Variants in BAG1 observed in about 807,000 individuals in gnomAD.
BAG1 encodes BAG cochaperone 1, also known as BAG family molecular chaperone regulator 1.
In BAG1, 35 loss-of-function variants were observed where a neutral mutation model predicts 35.5. The observed-to-expected ratio is 0.99, with a 90% CI of 0.75 to 1.31. The LOEUF (loss-of-function observed/expected upper bound fraction) is 1.31. Among genes scored for constraint, BAG1 ranks in the 50% most tolerant of loss-of-function variants. BAG1 has a pLI of 0.00. For synonymous variants in BAG1, 191 were observed against 178.9 expected, an observed-to-expected ratio of 1.07 and a Z score of -0.54; for missense variants, 464 against 453.6, an observed-to-expected ratio of 1.02 and a Z score of -0.21.
rs41274029 is a variant in BAG1, at chr9:33,255,130, C to T, written c.*89G>A. 19,077 of 1,613,342 alleles carry T rather than the reference C, an allele frequency of 0.012. 184 individuals carry two copies. The highest frequency in any genetic ancestry group is 0.019 in the Middle Eastern group (114 of 6,060). The stretch of plus-strand genomic sequence containing the variant: ...GCAAATGGCCAGTTGCCCCCAGCAG[C>T]CCTGAAGAAATCAGGTAAATTCCGC... On this transcript the variant is annotated 3_prime_UTR_variant, in exon 7 of 7. Transcript: ENST00000634734.
rs1820379575 is a variant in BAG1, at chr9:33,253,495, A to T, written c.*1724T>A. 1 of 152,256 alleles carries T rather than the reference A, an allele frequency of 6.6e-6. No homozygotes were observed. Among genetic ancestry groups the T allele is most frequent in the Non-Finnish European group, 1.5e-5 (1 of 68,052 alleles). The allele number at this position is 152,256 out of a possible 1,614,324, so 9.4% of individuals were successfully genotyped here. A position where few individuals can be genotyped will look rare whatever the true frequency, so the allele number is the denominator to read the frequency against. On this transcript the variant is annotated 3_prime_UTR_variant, in exon 7 of 7. Transcript: ENST00000634734. ...TTAAATGTTGTGGCCCACGCCACAC[A>T]GCTATCACACAAAAATAGATCAATA...
chr9:33,262,450 A>C (rs1319189313), intron 2 of BAG1, among the ~76,000 whole-genome samples: 1 of 152,132 alleles, frequency 6.6e-6, no homozygotes, highest in Non-Finnish European at 1.5e-5. Context: ...TGAGATCAGG[A>C]GTTCGAGACC....
rs745315959 is a variant in BAG1 at position 33,264,315 on chromosome 9, C to A, written c.360G>T (p.Gln120His). ...TCGACTCCTCGTCCCGGGTCACCTC[C>A]TGGCTCCGATTCATCTCTTCGCCCT... Residue 120 changes from glutamine (Q) to histidine (H), a missense_variant, in exon 1 of 7, where the codon CAG becomes CAT. Physicochemically the swap from Gln to His is conservative, Grantham distance 24. Transcript: ENST00000634734. The A allele has an allele frequency of 6.2e-7, 1 of 1,613,638 alleles. No individual in the cohort carries two copies. The highest frequency in any genetic ancestry group is 8.5e-7 in the Non-Finnish European group (1 of 1,179,852).
At chr9:33,257,188 A>T in intron 4 of BAG1, 1 of 392,012 alleles carries the variant, frequency 2.6e-6, no homozygotes, top group Non-Finnish European at 4.6e-6. Context: ...TCACAAGAAG[A>T]GGCAGATGTT....
chr9:33,262,127 G>A (rs529463635), intron 2 of BAG1: 2 of 1,289,710 alleles, frequency 1.6e-6, no homozygotes, highest in South Asian at 2.5e-5. Flanking sequence ...GACTGCCCAT[G>A]AGCTTCATCG....
At chr9:33,262,218 C>T in intron 2 of BAG1, 1 of 1,286,698 alleles carries the variant, frequency 7.8e-7, no homozygotes, top group Non-Finnish European at 1.0e-6. Flanking sequence ...CAATACCTAG[C>T]AGGTCCTCAA....
chr9:33,264,217 C>T lies in BAG1; in HGVS notation c.451+7G>A. 8.8e-6 allele frequency: 14 copies of T among 1,597,904 alleles called. No individual in the cohort carries two copies. The highest frequency in any genetic ancestry group is 1.2e-5 in the Non-Finnish European group (14 of 1,173,514). On this transcript the variant is annotated splice_region_variant and intron_variant, in intron 1 of 6. Coordinates refer to ENST00000634734, the MANE Select transcript of BAG1 (RefSeq NM_004323.6). ...TGCATGGAGCCCACCTGGCGCCCGA[C>T]ACTCACTGTGGGTGACAGTCACGGT... is the stretch of plus-strand genomic sequence containing the variant.
Position 33,261,297 on chromosome 9 carries a change from T to C in BAG1, c.581-128A>G, listed in dbSNP as rs571899259. 8 of 585,588 alleles carry C rather than the reference T, an allele frequency of 1.4e-5. No individual in the cohort carries two copies. The South Asian group carries it at 1.7e-4, about 12-fold the overall frequency. The allele number at this position is 585,588 out of a possible 1,614,324, so 36.3% of individuals were successfully genotyped here. On this transcript the variant is annotated intron_variant, in intron 2 of 6. Transcript: ENST00000634734. ...ACTGGTATCTTTTTAGAGGGTGTCA[T>C]GACCCAGTAATTTCATTTCCAGATA...
At position 33,253,741 on chromosome 9, in the gene BAG1, A is replaced by G. The variant is rs959804932; in HGVS notation, c.*1478T>C. 1.5e-4 allele frequency: 22 copies of G among 148,256 alleles called. No individual in the cohort carries two copies. Among genetic ancestry groups the G allele is most frequent in the Admixed American group, 1.2e-3 (18 of 14,790 alleles). 9.2% of individuals were successfully genotyped at this position (148,256 alleles called of 1,614,324 possible). A position where few individuals can be genotyped will look rare whatever the true frequency, so the allele number is the denominator to read the frequency against. On this transcript the variant is annotated 3_prime_UTR_variant, in exon 7 of 7. Coordinates refer to ENST00000634734, the MANE Select transcript of BAG1 (RefSeq NM_004323.6). ...AAGCATAAATTATGACTAGAGCCAC[A>G]GAATGATTTCCTCATTAATCCAAAA...
intron 3 of BAG1, chr9:33,259,540 A>G (rs1820526117): frequency 6.5e-6 from 1 of 154,016 alleles, no homozygotes; most frequent in Admixed American, 6.4e-5. Flanking sequence ...AAGACTCCAG[A>G]CTAGAGAGAA....
chr9:33,255,299 C>T lies in BAG1; in HGVS notation c.958G>A (p.Ala320Thr). Reference sequence around the variant, plus strand: ...TTCTGCTCCACTGTGTCACACTCGGCTAGGAATGCCTAGAAAATACACACG... The same window carrying T: ...TTCTGCTCCACTGTGTCACACTCGGTTAGGAATGCCTAGAAAATACACACG... Residue 320 changes from alanine to threonine, a missense_variant, in exon 7 of 7, where the codon GCC (alanine) becomes ACC (threonine). Coordinates refer to ENST00000634734, the MANE Select transcript of BAG1 (RefSeq NM_004323.6). 1 of 1,614,200 alleles carries T rather than the reference C, an allele frequency of 6.2e-7. No individual in the cohort carries two copies. The highest frequency in any genetic ancestry group is 8.5e-7 in the Non-Finnish European group (1 of 1,180,028).
chr9:33,253,121 G>A lies in BAG1; in HGVS notation c.*2098C>T, dbSNP rs1406806564. On this transcript the variant is annotated 3_prime_UTR_variant, in exon 7 of 7. Coordinates refer to ENST00000634734, the MANE Select transcript of BAG1 (RefSeq NM_004323.6). Reference sequence around the variant, plus strand: ...CAAGATTTGCACTTCATGATCACTCGGGCTGCTCTAAAGAAAATGAACTAG... The same window carrying A: ...CAAGATTTGCACTTCATGATCACTCAGGCTGCTCTAAAGAAAATGAACTAG... 6.6e-6 allele frequency: 1 copy of A among 152,112 alleles called. No homozygotes were observed. The highest frequency in any genetic ancestry group is 2.4e-5 in the African/African-American group (1 of 41,394). The allele number at this position is 152,112 out of a possible 1,614,324, so 9.4% of individuals were successfully genotyped here.
In BAG1 at chr9:33,256,867, T is replaced by C. The variant is rs1820464749; in HGVS notation, c.819A>G (p.Lys273=). The C allele has an allele frequency of 6.2e-7, 1 of 1,614,096 alleles. No homozygotes were observed. The highest frequency in any genetic ancestry group is 1.3e-5 in the African/African-American group (1 of 74,932). Residue 273 remains lysine, a synonymous_variant, in exon 5 of 7, where the codon AAA becomes AAG. Coordinates refer to ENST00000634734, the MANE Select transcript of BAG1 (RefSeq NM_004323.6). ...TTGTGGCTTTTACTCTCCTATCAAG[T>C]TTGCAGAGAGCTTCAGCTTGCAAAT...
In BAG1 at chr9:33,254,027, G is replaced by C. The variant is rs1820394248; in HGVS notation, c.*1192C>G. On this transcript the variant is annotated 3_prime_UTR_variant, in exon 7 of 7. Coordinates refer to ENST00000634734, the MANE Select transcript of BAG1 (RefSeq NM_004323.6). The stretch of plus-strand genomic sequence containing the variant: ...GAGTCTCACTCTGTGACCCAGGCTG[G>C]AGTGCAGGGGCGTAATCTCGGCTCA... 1 of 151,710 alleles carries C rather than the reference G, an allele frequency of 6.6e-6. No individual in the cohort carries two copies. The highest frequency in any genetic ancestry group is 1.5e-5 in the Non-Finnish European group (1 of 67,982). The allele number at this position is 151,710 out of a possible 1,614,324, so 9.4% of individuals were successfully genotyped here.
Position 33,255,209 on chromosome 9 carries a change from C to G in BAG1, c.*10G>C. 2 of 1,614,232 alleles carry G rather than the reference C, an allele frequency of 1.2e-6. No homozygotes were observed. The highest frequency in any genetic ancestry group is 1.7e-6 in the Non-Finnish European group (2 of 1,180,038). On this transcript the variant is annotated 3_prime_UTR_variant, in exon 7 of 7. Coordinates refer to ENST00000634734, the MANE Select transcript of BAG1 (RefSeq NM_004323.6). The stretch of plus-strand genomic sequence containing the variant: ...TTCTTCAGGGCAGCACAGCCTTTTT[C>G]TGCTACACCTCACTCGGCCAGGGCA...
At chr9:33,261,470 A>G (rs1820569229) in intron 2 of BAG1, among the ~76,000 whole-genome samples, 1 of 152,224 alleles carries the variant, frequency 6.6e-6, no homozygotes, top group Non-Finnish European at 1.5e-5. Context: ...AGAAGACTTT[A>G]AAGTCTTCAG....
At position 33,255,193 on chromosome 9, in the gene BAG1, G is replaced by A; in HGVS notation, c.*26C>T. ...AGAGCTGGTGGCGCCATTCTTCAGG[G>A]CAGCACAGCCTTTTTCTGCTACACC... On this transcript the variant is annotated 3_prime_UTR_variant, in exon 7 of 7. Transcript: ENST00000634734. 2 of 1,614,184 alleles carry A rather than the reference G, an allele frequency of 1.2e-6. No individual in the cohort carries two copies. Among genetic ancestry groups the A allele is most frequent in the Non-Finnish European group, 8.5e-7 (1 of 1,180,032 alleles).
rs1186278658 is a variant in BAG1 at position 33,258,916 on chromosome 9, T to C, written c.777+4A>G. On this transcript the variant is annotated splice_donor_region_variant and intron_variant, in intron 4 of 6. Coordinates refer to ENST00000634734, the MANE Select transcript of BAG1 (RefSeq NM_004323.6). ...AGAAAGTTAAGGTCCATGAAGAGAG[T>C]TACCTGCTGGATTCCAGTAAGCTCT... The C allele has an allele frequency of 1.2e-6, 2 of 1,611,360 alleles. No individual in the cohort carries two copies. The highest frequency in any genetic ancestry group is 1.7e-6 in the Non-Finnish European group (2 of 1,177,524).
intron 2 of BAG1, chr9:33,262,170 C>T (rs1169613463): frequency 7.8e-7 from 1 of 1,289,792 alleles, no homozygotes; most frequent in Non-Finnish European, 1.0e-6. Flanking sequence ...CATCATAAGA[C>T]TTCAAATCTG....
Sources: allele counts gnomAD v4.1 joint callset (sites outside exome capture counted in the v4.1 genomes callset), GRCh38; gene constraint gnomAD v4.1.1; transcripts MANE v1.5; gene names NCBI Gene and HGNC (gene_info 2026-07-23, HGNC 2026-07-21).